MARCHF1: variants seen among roughly 807,000 people sequenced by gnomAD.
The protein encoded by MARCHF1 is E3 ubiquitin-protein ligase MARCHF1.
A neutral mutation model predicts 54.2 loss-of-function variants in MARCHF1; 40 were observed. That is an observed-to-expected ratio of 0.74 (90% CI 0.57 to 0.96). The LOEUF is 0.96. MARCHF1 is among the 40% of genes least tolerant of loss of function. The probability of loss-of-function intolerance (pLI) is 0.00; values close to 1 mark genes in which losing one functional copy is unlikely to be tolerated. For synonymous variants in MARCHF1, 236 were observed against 236.3 expected, an observed-to-expected ratio of 1.00 and a Z score of 0.01; for missense variants, 586 against 656.5, an observed-to-expected ratio of 0.89 and a Z score of 1.17.
chr4:163,580,397 A>C (rs1186004640), intron 8 of MARCHF1, among the ~76,000 whole-genome samples: 1 of 152,118 alleles, frequency 6.6e-6, no homozygotes, highest in Non-Finnish European at 1.5e-5. Context: ...CATTTTTATA[A>C]GCCCTAACTC....
intron 4 of MARCHF1, among the ~76,000 whole-genome samples, chr4:163,755,554 T>C (rs764456769): frequency 2.6e-5 from 4 of 151,898 alleles, no homozygotes; most frequent in Non-Finnish European, 5.9e-5. Context: ...TCTTGTTGGG[T>C]ATGACACTAA....
At chr4:164,155,311 T>C (rs1341975915) in intron 1 of MARCHF1, among the ~76,000 whole-genome samples, 2 of 149,436 alleles carry the variant, frequency 1.3e-5, no homozygotes, top group Non-Finnish European at 3.0e-5. Context: ...ACCTGTTCGT[T>C]ATAATTTATC....
At position 163,872,273 on chromosome 4, in the gene MARCHF1, A is replaced by T. The variant is rs188943241; in HGVS notation, c.-38-18104T>A. ...GAAACTAAGTAGATTGCCTGCCCAA[A>T]GGGAAGGCAAAGACAACACTTGAAT... is the stretch of plus-strand genomic sequence containing the variant. On this transcript the variant is annotated intron_variant, in intron 3 of 9. Coordinates refer to ENST00000514618, the MANE Select transcript of MARCHF1 (RefSeq NM_001394959.1). Among the ~76,000 whole-genome samples, 153 of 152,318 alleles carry T rather than the reference A, an allele frequency of 1.0e-3. 4 individuals are homozygous for T. Among genetic ancestry groups the T allele is most frequent in the Non-Finnish European group, 2.8e-4 (19 of 68,030 alleles).
chr4:164,146,923 C>A (rs75984129), intron 1 of MARCHF1, among the ~76,000 whole-genome samples: 122,825 of 146,862 alleles, frequency 0.84, 51,909 homozygotes, highest in Non-Finnish European at 0.89. Flanking sequence ...CAACCTACTC[C>A]TCTGACAAAG....
intron 1 of MARCHF1, among the ~76,000 whole-genome samples, chr4:164,272,225 AGTT>A (rs1733761438): frequency 6.6e-6 from 1 of 152,038 alleles, no homozygotes; most frequent in Non-Finnish European, 1.5e-5. Context: ...TATAGAATAA[AGTT>A]GTGAGTATGT....
intron 4 of MARCHF1, among the ~76,000 whole-genome samples, chr4:163,781,847 A>G (rs1747474904): frequency 6.6e-6 from 1 of 152,206 alleles, no homozygotes; most frequent in South Asian, 2.1e-4. Flanking sequence ...AGTTTTGCCT[A>G]CTTGGGTTGA....
At chr4:163,550,296 A>G (rs866591825) in intron 8 of MARCHF1, among the ~76,000 whole-genome samples, 186 of 148,418 alleles carry the variant, frequency 1.3e-3, no homozygotes, top group East Asian at 3.8e-3. Flanking sequence ...AAAAAAAAAA[A>G]AAAAGAAAAG....
At chr4:164,212,135 A>G (rs1167475997) in intron 1 of MARCHF1, among the ~76,000 whole-genome samples, 2 of 152,106 alleles carry the variant, frequency 1.3e-5, no homozygotes, top group Non-Finnish European at 2.9e-5. Flanking sequence ...AGAGGAGGAG[A>G]AAGAGAAAGA....
chr4:164,351,846 G>T lies in MARCHF1; in HGVS notation c.-323+32024C>A, dbSNP rs1027871312. Among the ~76,000 whole-genome samples, 261 of 151,872 alleles carry T rather than the reference G, an allele frequency of 1.7e-3. 1 individual carries two copies. Among genetic ancestry groups the T allele is most frequent in the Admixed American group, 2.7e-3 (41 of 15,268 alleles). The stretch of plus-strand genomic sequence containing the variant: ...GGAGGACATTCAAACCAAAGGCAAA[G>T]AAGTTGAAAACTTTGAAAAAAATTT... On this transcript the variant is annotated intron_variant, in intron 1 of 9. Coordinates refer to ENST00000514618, the MANE Select transcript of MARCHF1 (RefSeq NM_001394959.1).
At chr4:163,729,507 A>G (rs929584818) in intron 4 of MARCHF1, among the ~76,000 whole-genome samples, 3 of 152,104 alleles carry the variant, frequency 2.0e-5, no homozygotes, top group Admixed American at 2.0e-4. Context: ...GAAAGTTATT[A>G]ACTATTGACT....
rs910877310 is a variant in MARCHF1, at chr4:163,958,371, T to C, written c.-39+30130A>G. 1.4e-4 allele frequency among the ~76,000 whole-genome samples: 21 copies of C among 152,170 alleles called. No individual in the cohort carries two copies. The East Asian group carries it at 3.7e-3, about 27-fold the overall frequency. On this transcript the variant is annotated intron_variant, in intron 3 of 9. Transcript: ENST00000514618. Reference sequence around the variant, plus strand: ...TATGATGACTGTTGTTACAAAGTTATGGACTTTATTCATTTCCCAATGGAT... The same window carrying C: ...TATGATGACTGTTGTTACAAAGTTACGGACTTTATTCATTTCCCAATGGAT...
At chr4:163,576,130 T>A (rs1016850703) in intron 8 of MARCHF1, among the ~76,000 whole-genome samples, 3 of 152,116 alleles carry the variant, frequency 2.0e-5, no homozygotes, top group Non-Finnish European at 2.9e-5. Flanking sequence ...GGTGTGATGT[T>A]AGATTGTTAA....
At chr4:163,663,032 A>G (rs765706933) in intron 5 of MARCHF1, among the ~76,000 whole-genome samples, 2 of 152,040 alleles carry the variant, frequency 1.3e-5, no homozygotes, top group Non-Finnish European at 2.9e-5. Flanking sequence ...TGCAAACAAT[A>G]CAAATTTAAC....
intron 3 of MARCHF1, among the ~76,000 whole-genome samples, chr4:163,983,637 C>A (rs1752804923): frequency 6.6e-6 from 1 of 152,132 alleles, no homozygotes; most frequent in South Asian, 2.1e-4. Flanking sequence ...ATAGAAAGAG[C>A]AGTAGACTGG....
At chr4:164,214,807 C>T (rs1731880680) in intron 1 of MARCHF1, among the ~76,000 whole-genome samples, 1 of 152,192 alleles carries the variant, frequency 6.6e-6, no homozygotes. Context: ...CACCATTTCC[C>T]TCCTGTCTTA....
At chr4:164,017,372 A>C (rs960888039) in intron 2 of MARCHF1, among the ~76,000 whole-genome samples, 58 of 152,202 alleles carry the variant, frequency 3.8e-4, no homozygotes, top group African/African-American at 1.4e-3. Flanking sequence ...AGCCTACACA[A>C]AACAAAATTA....
Position 163,711,883 on chromosome 4 carries a change from G to A in MARCHF1, c.112-11020C>T, listed in dbSNP as rs139839664. 8.7e-3 allele frequency among the ~76,000 whole-genome samples: 1,331 copies of A among 152,194 alleles called. 14 individuals are homozygous for A. The highest frequency in any genetic ancestry group is 0.016 in the Admixed American group (242 of 15,296). Reference sequence around the variant, plus strand: ...TGCTATCTGTTTCTTTCTAGACCCCGATGGATAAAAGTCATCTTTAGTATT... The same window carrying A: ...TGCTATCTGTTTCTTTCTAGACCCCAATGGATAAAAGTCATCTTTAGTATT... On this transcript the variant is annotated intron_variant, in intron 4 of 9. Transcript: ENST00000514618.
intron 1 of MARCHF1, among the ~76,000 whole-genome samples, chr4:164,161,504 A>T (rs1426950412): frequency 2.0e-5 from 3 of 151,494 alleles, no homozygotes; most frequent in African/African-American, 7.3e-5. Flanking sequence ...CATATTTTTA[A>T]ATCTTTCCAT....
At chr4:163,983,405 A>T (rs546997120) in intron 3 of MARCHF1, among the ~76,000 whole-genome samples, 1 of 152,088 alleles carries the variant, frequency 6.6e-6, no homozygotes, top group African/African-American at 2.4e-5. Flanking sequence ...ATTATTATTT[A>T]TTTTTTCCAT....
Sources: gnomAD v4.1 joint callset for allele counts (sites outside exome capture counted in the v4.1 genomes callset) on GRCh38, gnomAD v4.1.1 for gene constraint, MANE v1.5 for transcripts, NCBI Gene and HGNC (gene_info 2026-07-23, HGNC 2026-07-21) for gene names.